PABIR2: variants seen among roughly 807,000 people sequenced by gnomAD.
PABIR2 encodes the protein family with sequence similarity 122B.
PABIR2 carries 7 observed loss-of-function variants against 22.8 expected under a neutral mutation model. The ratio of observed to expected loss-of-function variants is 0.31; its 90% CI spans 0.17 to 0.58. The LOEUF is 0.58. Among genes scored for constraint, PABIR2 ranks in the 20% least tolerant of loss-of-function variants. The pLI, the probability that PABIR2 is intolerant of heterozygous loss-of-function variation, is 0.89. For synonymous variants in PABIR2, 67 were observed against 73.8 expected (o/e 0.91, Z 0.47); for missense variants, 155 against 205.1 (o/e 0.76, Z 1.49).
In PABIR2 at chrX:134,771,237, T is replaced by C; in HGVS notation, c.*902A>G. 1 of 1,118,218 alleles carries C rather than the reference T, an allele frequency of 8.9e-7. No homozygotes were observed. 92.2% of individuals were successfully genotyped at this position (1,118,218 alleles called of 1,213,427 possible). A position where few individuals can be genotyped will look rare whatever the true frequency, so the allele number is the denominator to read the frequency against. ...GGCCTCATAATACCACTCGAGACAC[T>C]GACAGCTCCATGGACGCTTTTGTAC... On this transcript the variant is annotated 3_prime_UTR_variant, in exon 10 of 10. Coordinates refer to ENST00000343004, the MANE Select transcript of PABIR2 (RefSeq NM_001387468.1).
chrX:134,786,611 G>A (rs976616868), intron 7 of PABIR2, among the ~76,000 whole-genome samples: 1 of 111,623 alleles, frequency 9.0e-6, no homozygotes, highest in African/African-American at 3.3e-5. Flanking sequence ...ATTGTGGGGG[G>A]TATGTATGTG....
chrX:134,776,892 G>C (rs191254954), intron 9 of PABIR2, among the ~76,000 whole-genome samples: 54 of 112,037 alleles, frequency 4.8e-4, no homozygotes, highest in African/African-American at 1.8e-3. Flanking sequence ...GAGGGCAGTT[G>C]TTTCTGTAGT....
chrX:134,776,221 A>G (rs766896341), intron 9 of PABIR2, among the ~76,000 whole-genome samples: 1 of 112,324 alleles, frequency 8.9e-6, no homozygotes, highest in South Asian at 3.7e-4. Context: ...CATGACACAT[A>G]TAACATTAAA....
chrX:134,791,125 T>C (rs968917855), intron 2 of PABIR2, among the ~76,000 whole-genome samples: 1 of 109,233 alleles, frequency 9.2e-6, no homozygotes, highest in African/African-American at 3.4e-5. Context: ...TAGACAAAAC[T>C]GGAAAGAAGA....
chrX:134,789,670 G>GA lies in PABIR2; in HGVS notation c.178-35dup, dbSNP rs1182328489. ...AAAAAGTAAACATTTACTATTTTCT[G>GA]AATCACAAAGCAGCAGTCTGCTGTC... On this transcript the variant is annotated intron_variant, in intron 2 of 9. Transcript: ENST00000343004. The GA allele has an allele frequency of 5.4e-6, 6 of 1,106,098 alleles. No individual in the cohort carries two copies. In the East Asian group the frequency reaches 1.3e-4, roughly 24 times the overall value. 91.2% of individuals were successfully genotyped at this position (1,106,098 alleles called of 1,213,427 possible). A position where few individuals can be genotyped will look rare whatever the true frequency, so the allele number is the denominator to read the frequency against.
chrX:134,787,901 G>A (rs894470449), intron 6 of PABIR2, among the ~76,000 whole-genome samples: 4 of 107,295 alleles, frequency 3.7e-5, no homozygotes, highest in Non-Finnish European at 7.7e-5. Flanking sequence ...CAAAGAGTTG[G>A]AATGATTACA....
intron 9 of PABIR2, 64 bp downstream of exon 9, chrX:134,781,757 C>A (rs2147923375): frequency 1.3e-6 from 1 of 752,141 alleles, no homozygotes; most frequent in South Asian, 3.9e-5. Context: ...AATATACTTT[C>A]AATGTGGCTC....
At chrX:134,786,603 T>C (rs1014208393) in intron 7 of PABIR2, among the ~76,000 whole-genome samples, 1 of 112,072 alleles carries the variant, frequency 8.9e-6, no homozygotes, top group Non-Finnish European at 1.9e-5. Flanking sequence ...GATGTATTAT[T>C]GTGGGGGGTA....
rs186261299 is a variant in PABIR2 at position 134,795,276 on chromosome X, T to C, written c.98+832A>G. On this transcript the variant is annotated intron_variant, in intron 1 of 9. Transcript: ENST00000343004. ...TCACTGTGCTTGATTAATATGTTTTTGGCTAATTGTACTCTCATCTCCTTT... is the reference window on the plus strand; with the variant it reads ...TCACTGTGCTTGATTAATATGTTTTCGGCTAATTGTACTCTCATCTCCTTT... Among the ~76,000 whole-genome samples, 13 of 112,148 alleles carry C rather than the reference T, an allele frequency of 1.2e-4. No individual in the cohort carries two copies. In the East Asian group the frequency reaches 3.4e-3, roughly 29 times the overall value.
chrX:134,779,816 G>A (rs890006190), intron 9 of PABIR2, among the ~76,000 whole-genome samples: 2 of 112,308 alleles, frequency 1.8e-5, no homozygotes, highest in Admixed American at 1.9e-4. Context: ...CCTATTTATA[G>A]CCATGTGCCT....
At chrX:134,773,458 G>A (rs2078887250) in intron 9 of PABIR2, among the ~76,000 whole-genome samples, 1 of 110,746 alleles carries the variant, frequency 9.0e-6, no homozygotes, top group South Asian at 3.8e-4. Flanking sequence ...ATAAAGGAAA[G>A]ATACAAGGGG....
rs772175799 is a variant in PABIR2, at chrX:134,781,850, A to C, written c.630T>G (p.Asp210Glu). 1.7e-5 allele frequency: 21 copies of C among 1,201,280 alleles called. No homozygotes were observed. Among genetic ancestry groups the C allele is most frequent in the Non-Finnish European group, 4.5e-6 (4 of 890,170 alleles). ...FQGTTNMLSPDAAQLSDLSSC... is the reference protein window; with the variant it reads ...FQGTTNMLSPEAAQLSDLSSC... ...AACTGAGATCAGACAGTTGCGCGGC[A>C]TCTGGAGATAACATATTGGTAGTGC... Residue 210 changes from aspartate (D) to glutamate (E), a missense_variant, in exon 9 of 10, where the codon GAT (aspartate) becomes GAG (glutamate). Physicochemically the swap from Asp to Glu is conservative, Grantham distance 45. Transcript: ENST00000343004.
Position 134,796,465 on chromosome X carries a change from C to A in PABIR2, c.-260G>T. ...ACGAAGAGGTAGTGGTGGAAGGTGA[C>A]AGAATGAAGGAAAAGGATGAAGGAA... On this transcript the variant is annotated 5_prime_UTR_variant, in exon 1 of 10. Transcript: ENST00000343004. The A allele has an allele frequency of 2.3e-5, 7 of 310,341 alleles. No homozygotes were observed. Among genetic ancestry groups the A allele is most frequent in the South Asian group, 7.3e-5 (1 of 13,613 alleles). 25.6% of individuals were successfully genotyped at this position (310,341 alleles called of 1,213,427 possible).
intron 8 of PABIR2, among the ~76,000 whole-genome samples, chrX:134,784,439 C>A (rs1387992521): frequency 1.8e-5 from 2 of 109,414 alleles, no homozygotes; most frequent in African/African-American, 6.7e-5. Flanking sequence ...ACTCCAGAGT[C>A]TGGGCAACAA....
chrX:134,794,116 C>T (rs939260418), intron 1 of PABIR2: 1 of 601,952 alleles, frequency 1.7e-6, no homozygotes. Context: ...TCTCAGTGGT[C>T]GGGGGGCAGC....
intron 8 of PABIR2, among the ~76,000 whole-genome samples, chrX:134,783,282 G>T (rs1254553775): frequency 8.9e-6 from 1 of 112,074 alleles, no homozygotes; most frequent in African/African-American, 3.2e-5. Context: ...TAAGTTGTTT[G>T]AAATACAGCA....
intron 6 of PABIR2, among the ~76,000 whole-genome samples, chrX:134,788,087 T>C (rs191916957): frequency 2.9e-5 from 3 of 102,574 alleles, no homozygotes; most frequent in Admixed American, 1.1e-4. Flanking sequence ...ACACGTTATA[T>C]GTGTAATATA....
chrX:134,793,534 G>C (rs1320571389), intron 2 of PABIR2: 1 of 413,756 alleles, frequency 2.4e-6, no homozygotes, highest in Admixed American at 3.0e-5. Flanking sequence ...CTATAATTAG[G>C]AGTTAATCCT....
Position 134,770,315 on chromosome X carries a change from G to A in PABIR2, c.*1824C>T, listed in dbSNP as rs1047629858. 1 of 112,338 alleles carries A rather than the reference G, an allele frequency of 8.9e-6. No homozygotes were observed. Among genetic ancestry groups the A allele is most frequent in the East Asian group, 2.8e-4 (1 of 3,591 alleles). 9.3% of individuals were successfully genotyped at this position (112,338 alleles called of 1,213,427 possible). A position where few individuals can be genotyped will look rare whatever the true frequency, so the allele number is the denominator to read the frequency against. On this transcript the variant is annotated 3_prime_UTR_variant, in exon 10 of 10. Coordinates refer to ENST00000343004, the MANE Select transcript of PABIR2 (RefSeq NM_001387468.1). ...ATACTAGGGGACAAGCTTCATAATA[G>A]ATTTATGTTACGTTTGAAGAAGTAG...
Sources: allele counts gnomAD v4.1 joint callset (sites outside exome capture counted in the v4.1 genomes callset), GRCh38; gene constraint gnomAD v4.1.1; transcripts MANE v1.5; gene names NCBI Gene and HGNC (gene_info 2026-07-23, HGNC 2026-07-21).